The following HEATR4 variants were observed in gnomAD, a reference collection of about 807,000 sequenced individuals.
HEATR4 encodes the protein HEAT repeat-containing protein 4.
A neutral mutation model predicts 108.8 loss-of-function variants in HEATR4; 95 were observed. The ratio of observed to expected loss-of-function variants is 0.87; its 90% CI spans 0.74 to 1.04. The LOEUF (loss-of-function observed/expected upper bound fraction) is 1.04, where lower values mean the gene tolerates loss of function less well. Among genes scored for constraint, HEATR4 ranks in the 50% least tolerant of loss-of-function variants. The pLI is 0.00. For synonymous variants in HEATR4, 443 were observed against 459.4 expected, an observed-to-expected ratio of 0.96 and a Z score of 0.46; for missense variants, 1,152 against 1,253.8, an observed-to-expected ratio of 0.92 and a Z score of 1.23.
chr14:73,622,691 G>T, the HEATR4 span, among the ~76,000 whole-genome samples: 11 of 152,068 alleles, frequency 7.2e-5, no homozygotes, highest in Non-Finnish European at 1.3e-4. Context: ...GAGCCACCGC[G>T]CCTGGCTTGA....
At chr14:73,568,760 T>G in the HEATR4 span, among the ~76,000 whole-genome samples, 1 of 151,954 alleles carries the variant, frequency 6.6e-6, no homozygotes, top group South Asian at 2.1e-4. Flanking sequence ...TTTACACTTG[T>G]AAGGAATGAA....
chr14:73,486,315 C>T (rs1566816827), intron 17 of HEATR4, among the ~76,000 whole-genome samples: 1 of 152,164 alleles, frequency 6.6e-6, no homozygotes, highest in Non-Finnish European at 1.5e-5. Context: ...ACCACTGCCT[C>T]GGACATTTGC....
chr14:73,521,195 C>G (rs1887958904), intron 3 of HEATR4, among the ~76,000 whole-genome samples, 156 bp from the exon 4 acceptor site: 4 of 152,088 alleles, frequency 2.6e-5, no homozygotes, highest in Admixed American at 1.3e-4. Flanking sequence ...AGCCTTGTCC[C>G]CATGGTGCCA....
At chr14:73,566,746 C>T in the HEATR4 span, among the ~76,000 whole-genome samples, 20 of 152,184 alleles carry the variant, frequency 1.3e-4, no homozygotes, top group African/African-American at 3.9e-4. Context: ...CTGAGGGAGA[C>T]GGCTCCGGCC....
the HEATR4 span, among the ~76,000 whole-genome samples, chr14:73,610,002 G>A: frequency 3.3e-5 from 5 of 151,476 alleles, no homozygotes; most frequent in East Asian, 9.7e-4. Flanking sequence ...GGAGGAGTGT[G>A]TGCCACTGCC....
the HEATR4 span, among the ~76,000 whole-genome samples, chr14:73,630,565 T>C: frequency 6.6e-6 from 1 of 152,212 alleles, no homozygotes; most frequent in Non-Finnish European, 1.5e-5. Flanking sequence ...CTGTCTAGAT[T>C]CTTCTTGGCT....
At chr14:73,564,727 TG>T in the HEATR4 span, among the ~76,000 whole-genome samples, 45,463 of 84,534 alleles carry the variant, frequency 0.54, 13,608 homozygotes, top group African/African-American at 0.75. Context: ...TTCTGTTTTT[TG>T]TTTTTTTTTT....
chr14:73,633,063 G>A, the HEATR4 span, among the ~76,000 whole-genome samples: 6 of 140,066 alleles, frequency 4.3e-5, no homozygotes, highest in Non-Finnish European at 7.6e-5. Flanking sequence ...GGAGTGCAAT[G>A]GCACAATATC....
rs869167008 is a variant in HEATR4 at position 73,535,469 on chromosome 14, C to CTTTTTTTTTTTTTTTTTT, written c.-151-5243_-151-5226dup. Among the ~76,000 whole-genome samples the CTTTTTTTTTTTTTTTTTT allele has an allele frequency of 1.2e-3, 20 of 16,536 alleles. 5 individuals carry two copies. The highest frequency in any genetic ancestry group is 4.7e-3 in the Non-Finnish European group (17 of 3,616). 10.8% of individuals were successfully genotyped at this position (16,536 alleles called of 152,430 possible). On this transcript the variant is annotated intron_variant, in intron 1 of 17. Coordinates refer to ENST00000553558, the MANE Select transcript of HEATR4 (RefSeq NM_001220484.1). ...CCTTTTTCTTTTCTTTTTCTTCTTT[C>CTTTTTTTTTTTTTTTTTT]TTTTTTTTTTTTTTTTTTTTTTTTT... is the stretch of plus-strand genomic sequence containing the variant.
chr14:73,609,529 A>C, the HEATR4 span, among the ~76,000 whole-genome samples: 1 of 151,954 alleles, frequency 6.6e-6, no homozygotes, highest in Non-Finnish European at 1.5e-5. Flanking sequence ...GTCAGTGCTC[A>C]TGAAAAAAAT....
At chr14:73,587,710 A>C in the HEATR4 span, among the ~76,000 whole-genome samples, 1 of 152,160 alleles carries the variant, frequency 6.6e-6, no homozygotes, top group Non-Finnish European at 1.5e-5. Context: ...ATTATCAGTA[A>C]AATTTCTGCT....
intron 10 of HEATR4, among the ~76,000 whole-genome samples, chr14:73,505,490 A>G (rs1886752209): frequency 6.6e-6 from 1 of 151,594 alleles, no homozygotes; most frequent in South Asian, 2.1e-4. Flanking sequence ...TCTCCCTCCC[A>G]GGTTCAAGCA....
At chr14:73,629,675 C>A in the HEATR4 span, among the ~76,000 whole-genome samples, 2 of 150,376 alleles carry the variant, frequency 1.3e-5, no homozygotes, top group Admixed American at 1.3e-4. Flanking sequence ...GATGGAGTCT[C>A]ACTCTGTTGC....
intron 1 of HEATR4, 185 bp from the exon 2 acceptor site, chr14:73,530,429 C>T (rs1274222160): frequency 2.3e-5 from 3 of 130,450 alleles, no homozygotes; most frequent in Non-Finnish European, 5.0e-5. Flanking sequence ...TGAAGGAAGC[C>T]TGGTTAGTGG....
rs747379328 is a variant in HEATR4, at chr14:73,514,223, C to T, written c.1222G>A (p.Val408Met). Residue 408 changes from valine to methionine, a missense_variant, in exon 6 of 18, where the codon GTG becomes ATG. By Grantham distance (21) the Val-to-Met change is conservative. Coordinates refer to ENST00000553558, the MANE Select transcript of HEATR4 (RefSeq NM_001220484.1). Reference sequence around the variant, plus strand: ...GCAGTCCAGCGCAGGGCTCCTTGCACAGGTCTGTAAGCTGTGCAACGTGGC... The same window carrying T: ...GCAGTCCAGCGCAGGGCTCCTTGCATAGGTCTGTAAGCTGTGCAACGTGGC... The part of the protein sequence containing the change: ...QAIPEASYRP[V>M]QGALRWTALP... 2.5e-6 allele frequency: 4 copies of T among 1,613,994 alleles called. No homozygotes were observed. In the African/African-American group the frequency reaches 5.3e-5, roughly 22 times the overall value.
In HEATR4 at chr14:73,523,232, G is replaced by A; in HGVS notation, c.-72-8C>T. Reference sequence around the variant, plus strand: ...GGAGATGAGACCTGGCACCTGTTAAGGGAATGGGAGGAACTGATGAGAACT... The same window carrying A: ...GGAGATGAGACCTGGCACCTGTTAAAGGAATGGGAGGAACTGATGAGAACT... On this transcript the variant is annotated splice_polypyrimidine_tract_variant and splice_region_variant and intron_variant, in intron 2 of 17. Transcript: ENST00000553558. 1.5e-6 allele frequency: 2 copies of A among 1,364,424 alleles called. No individual in the cohort carries two copies. Among genetic ancestry groups the A allele is most frequent in the Non-Finnish European group, 2.0e-6 (2 of 1,021,528 alleles). The allele number at this position is 1,364,424 out of a possible 1,614,324, so 84.5% of individuals were successfully genotyped here.
In HEATR4 at chr14:73,492,264, T is replaced by A; in HGVS notation, c.2844+802A>T. On this transcript the variant is annotated intron_variant, in intron 17 of 17. Transcript: ENST00000553558. This position sits in a 1 kb window ranked among gnomAD's most constrained non-coding sequence, Gnocchi z 4.9. ...GAATGCCAGGATGGAGTCCACTCTC[T>A]GCACCTCACCTTGTCCACGTACCAG... 3.7e-6 allele frequency: 6 copies of A among 1,614,040 alleles called. No individual in the cohort carries two copies. The highest frequency in any genetic ancestry group is 4.2e-6 in the Non-Finnish European group (5 of 1,179,894).
the HEATR4 span, chr14:73,613,116 C>G: frequency 7.8e-6 from 4 of 511,450 alleles, no homozygotes; most frequent in Non-Finnish European, 1.3e-5. Context: ...GTGGAACATC[C>G]CTGAACTTGT....
At chr14:73,584,127 G>A in the HEATR4 span, among the ~76,000 whole-genome samples, 11 of 151,758 alleles carry the variant, frequency 7.2e-5, no homozygotes, top group South Asian at 2.1e-3. Flanking sequence ...ACTTCCGAAA[G>A]GTAAAGAGAG....
Sources: allele counts gnomAD v4.1 joint callset (sites outside exome capture counted in the v4.1 genomes callset), GRCh38; gene constraint gnomAD v4.1.1; non-coding constraint Gnocchi (gnomAD v3.1); transcripts MANE v1.5; gene names NCBI Gene and HGNC (gene_info 2026-07-23, HGNC 2026-07-21).